Variants in ANKRD37 observed in about 807,000 individuals in gnomAD.
ANKRD37 encodes ankyrin repeat domain 37.
A neutral mutation model predicts 19.7 loss-of-function variants in ANKRD37; 17 were observed. That is an observed-to-expected ratio of 0.86 (90% CI 0.59 to 1.29). The LOEUF (loss-of-function observed/expected upper bound fraction) is 1.29, where lower values mean the gene tolerates loss of function less well. Among genes scored for constraint, ANKRD37 ranks in the 50% most tolerant of loss-of-function variants. The pLI, the probability that ANKRD37 is intolerant of heterozygous loss-of-function variation, is 0.00. For missense variants in ANKRD37, 207 were observed against 190.4 expected, an observed-to-expected ratio of 1.09 and a Z score of -0.51; for synonymous variants, 79 against 74.5, an observed-to-expected ratio of 1.06 and a Z score of -0.31.
In ANKRD37 at chr4:185,397,150, GTGGA is replaced by G; in HGVS notation, c.32_35del (p.Asp11ValfsTer2). On this transcript the variant is annotated frameshift_variant and splice_region_variant, in exon 2 of 5. Coordinates refer to ENST00000335174, the MANE Select transcript of ANKRD37 (RefSeq NM_181726.4). LOFTEE classifies it high-confidence loss of function. ...TGCTGGATCTGTTCTCTTCCTGCAG[GTGGA>G]TGGTCTGAAGCATTTGCTGGAGACA... The G allele has an allele frequency of 6.2e-7, 1 of 1,613,374 alleles. No homozygotes were observed. The highest frequency in any genetic ancestry group is 2.2e-5 in the East Asian group (1 of 44,886).
rs1374314932 is a variant in ANKRD37 at position 185,397,228 on chromosome 4, C to T, written c.106C>T (p.His36Tyr). The part of the protein sequence containing the change: ...PPDPCKQSPV[H>Y]LAAGSGLACF... ...GGATCCCTGCAAGCAGTCGCCTGTC[C>T]ACTTAGCCGCAGGAAGCGGCCTTGC... The change falls in exon 2 of 5, where the codon CAC (histidine) becomes TAC (tyrosine). Residue 36 changes from histidine to tyrosine, a missense_variant. Coordinates refer to ENST00000335174, the MANE Select transcript of ANKRD37 (RefSeq NM_181726.4). 2 of 1,614,156 alleles carry T rather than the reference C, an allele frequency of 1.2e-6. No individual in the cohort carries two copies. The highest frequency in any genetic ancestry group is 1.1e-5 in the South Asian group (1 of 91,090).
chr4:185,397,249 C>T lies in ANKRD37; in HGVS notation c.127C>T (p.Leu43Phe). ...TGTCCACTTAGCCGCAGGAAGCGGC[C>T]TTGCTTGCTTTCTTCTCTGGCAGCT... ...SPVHLAAGSGLACFLLWQLQT... is the reference protein window; with the variant it reads ...SPVHLAAGSGFACFLLWQLQT... Residue 43 changes from leucine to phenylalanine, a missense_variant, in exon 2 of 5, where the codon CTT (leucine) becomes TTT (phenylalanine). Leu to Phe is a conservative substitution (Grantham distance 22). Transcript: ENST00000335174. 6.2e-7 allele frequency: 1 copy of T among 1,614,150 alleles called. No individual in the cohort carries two copies. The highest frequency in any genetic ancestry group is 8.5e-7 in the Non-Finnish European group (1 of 1,180,040).
chr4:185,399,330 A>G (rs1247375026), intron 3 of ANKRD37, among the ~76,000 whole-genome samples: 1 of 152,192 alleles, frequency 6.6e-6, no homozygotes, highest in East Asian at 1.9e-4. Context: ...GGGTACTCAT[A>G]CACTGTATTA....
intron 3 of ANKRD37, 148 bp from the exon 4 acceptor site, chr4:185,399,422 G>A: frequency 5.2e-6 from 4 of 768,530 alleles, no homozygotes; most frequent in Non-Finnish European, 8.4e-6. Context: ...GGATACAATA[G>A]TGACCAAAAA....
At chr4:185,400,377 T>C, downstream of ANKRD37, 1 of 1,586,720 alleles carries the variant, frequency 6.3e-7, no homozygotes, top group Non-Finnish European at 8.6e-7. Flanking sequence ...CTGCAGTCTT[T>C]GACTCCAAGA....
chr4:185,399,068 T>A (rs772097144), intron 3 of ANKRD37, 40 bp downstream of exon 3: 13 of 1,529,078 alleles, frequency 8.5e-6, no homozygotes, highest in Non-Finnish European at 1.2e-5. Context: ...TATGTTTTCT[T>A]GGATTAAACT....
chr4:185,398,988 G>GAGTGCCTAAGCCTGC lies in ANKRD37; in HGVS notation c.233_247dup (p.Leu82_Leu83insGlnCysLeuSerLeu), dbSNP rs2095509674. On this transcript the variant is annotated inframe_insertion, in exon 3 of 5. Coordinates refer to ENST00000335174, the MANE Select transcript of ANKRD37 (RefSeq NM_181726.4). ...CAAGGCAGCAAAAGTTGGAAGCCTG[G>GAGTGCCTAAGCCTGC]AGTGCCTAAGCCTGCTTGTAGCCAG... The GAGTGCCTAAGCCTGC allele has an allele frequency of 3.1e-6, 5 of 1,613,778 alleles. No homozygotes were observed. In the Admixed American group the frequency reaches 5.0e-5, roughly 16 times the overall value.
At position 185,399,697 on chromosome 4, in the gene ANKRD37, A is replaced by G. The variant is rs368158912; in HGVS notation, c.400A>G (p.Asn134Asp). 9 of 1,614,022 alleles carry G rather than the reference A, an allele frequency of 5.6e-6. No individual in the cohort carries two copies. The African/African-American group carries it at 9.3e-5, about 17-fold the overall frequency. The change falls in exon 4 of 5, where the codon AAT (asparagine) becomes GAT (aspartate). Residue 134 changes from asparagine to aspartate, a missense_variant. Physicochemically the swap from Asn to Asp is conservative, Grantham distance 23. Coordinates refer to ENST00000335174, the MANE Select transcript of ANKRD37 (RefSeq NM_181726.4). ...AAAAGCAAGTGAACACCCTGACAGG[A>G]ATGATTGTGTTGCCGTGCTCAGACA... ...TIKASEHPDR[N>D]DCVAVLRQKR...
In ANKRD37 at chr4:185,397,148, A is replaced by T; in HGVS notation, c.28-2A>T. ...GGTGCTGGATCTGTTCTCTTCCTGCAGGTGGATGGTCTGAAGCATTTGCTG... is the reference window on the plus strand; with the variant it reads ...GGTGCTGGATCTGTTCTCTTCCTGCTGGTGGATGGTCTGAAGCATTTGCTG... On this transcript the variant is annotated splice_acceptor_variant, in intron 1 of 4. Transcript: ENST00000335174. LOFTEE classifies it high-confidence loss of function. 6.2e-7 allele frequency: 1 copy of T among 1,613,306 alleles called. No homozygotes were observed. The highest frequency in any genetic ancestry group is 8.5e-7 in the Non-Finnish European group (1 of 1,179,956).
At chr4:185,400,675 C>T, downstream of ANKRD37, 1 of 414,912 alleles carries the variant, frequency 2.4e-6, no homozygotes, top group Non-Finnish European at 4.3e-6. Context: ...ACTTTTAATT[C>T]TATGTATGTA....
Position 185,397,142 on chromosome 4 carries a change from T to TA in ANKRD37, c.28-8_28-7insA, listed in dbSNP as rs752959518. ...GGGAAGGGTGCTGGATCTGTTCTCTTCCTGCAGGTGGATGGTCTGAAGCAT... is the reference window on the plus strand; with the variant it reads ...GGGAAGGGTGCTGGATCTGTTCTCTTACCTGCAGGTGGATGGTCTGAAGCAT... On this transcript the variant is annotated splice_region_variant and splice_polypyrimidine_tract_variant and intron_variant, in intron 1 of 4. Coordinates refer to ENST00000335174, the MANE Select transcript of ANKRD37 (RefSeq NM_181726.4). 6.2e-7 allele frequency: 1 copy of TA among 1,613,190 alleles called. No individual in the cohort carries two copies. The highest frequency in any genetic ancestry group is 1.9e-4 in the Middle Eastern group (1 of 5,370).
At chr4:185,399,153 A>C in intron 3 of ANKRD37, 125 bp downstream of exon 3, 2 of 836,396 alleles carry the variant, frequency 2.4e-6, no homozygotes, top group Non-Finnish European at 3.8e-6. Flanking sequence ...AGTGTTAATC[A>C]TTTAAATGTT....
intron 2 of ANKRD37, 68 bp downstream of exon 2, chr4:185,397,370 A>G: frequency 2.6e-6 from 4 of 1,560,158 alleles, no homozygotes; most frequent in Non-Finnish European, 3.5e-6. Flanking sequence ...CATTTCTCAG[A>G]CGCCAAGAGT....
In ANKRD37 at chr4:185,397,202, C is replaced by G. The variant is rs780737162; in HGVS notation, c.80C>G (p.Pro27Arg). The change falls in exon 2 of 5, where the codon CCG becomes CGG. Residue 27 changes from proline (P) to arginine (R), a missense_variant. Transcript: ENST00000335174. ...LETGASVNAP[P>R]DPCKQSPVHL... ...ACAGGGGCCTCGGTCAACGCACCCC[C>G]GGATCCCTGCAAGCAGTCGCCTGTC... 2 of 1,614,004 alleles carry G rather than the reference C, an allele frequency of 1.2e-6. No individual in the cohort carries two copies. The highest frequency in any genetic ancestry group is 4.5e-5 in the East Asian group (2 of 44,882).
downstream of ANKRD37, chr4:185,400,293 C>T (rs3733646): frequency 8.0e-6 from 8 of 995,994 alleles, no homozygotes; most frequent in Admixed American, 4.9e-5. Context: ...TAATTTAAAT[C>T]GTCAAACTAG....
At chr4:185,397,091 G>A in intron 1 of ANKRD37, 59 bp from the exon 2 acceptor site, 4 of 1,609,770 alleles carry the variant, frequency 2.5e-6, no homozygotes, top group Non-Finnish European at 3.4e-6. Flanking sequence ...TTTCCAGCCC[G>A]GAGGGGCGCG....
intron 2 of ANKRD37, 167 bp downstream of exon 2, chr4:185,397,469 A>T (rs996282679): frequency 3.2e-5 from 30 of 940,006 alleles, no homozygotes; most frequent in Non-Finnish European, 3.5e-5. Context: ...GTTTTTTTCC[A>T]GTCTTGATGT....
chr4:185,399,494 A>G lies in ANKRD37; in HGVS notation c.273-76A>G. 3 of 1,497,562 alleles carry G rather than the reference A, an allele frequency of 2.0e-6. No individual in the cohort carries two copies. In the South Asian group the frequency reaches 3.6e-5, roughly 18 times the overall value. 92.8% of individuals were successfully genotyped at this position (1,497,562 alleles called of 1,614,324 possible). ...TGCAACCAACATTTGTATGAGCCCA[A>G]AATTCCCTTGTAAGATATAAAAAAA... On this transcript the variant is annotated intron_variant, in intron 3 of 4. Transcript: ENST00000335174.
At chr4:185,399,527 A>C (rs779672312) in intron 3 of ANKRD37, 43 bp from the exon 4 acceptor site, 3 of 1,599,532 alleles carry the variant, frequency 1.9e-6, no homozygotes, top group African/African-American at 1.3e-5. Context: ...AAAAAGACTT[A>C]AGTTCAATGT....
Sources: gnomAD v4.1 joint callset for allele counts (sites outside exome capture counted in the v4.1 genomes callset) on GRCh38, gnomAD v4.1.1 for gene constraint, MANE v1.5 for transcripts, NCBI Gene and HGNC (gene_info 2026-07-23, HGNC 2026-07-21) for gene names.